The following TAOK3 variants were observed in gnomAD, a reference collection of about 807,000 sequenced individuals.
TAOK3 encodes the protein TAO kinase 3.
TAOK3 carries 40 observed loss-of-function variants against 120.4 expected under a neutral mutation model. The ratio of observed to expected loss-of-function variants is 0.33; its 90% CI spans 0.26 to 0.43. The LOEUF is 0.43. Ranked by LOEUF, TAOK3 falls within the 20% of genes least tolerant of loss-of-function variation. The probability of loss-of-function intolerance (pLI) is 1.00; values close to 1 mark genes in which losing one functional copy is unlikely to be tolerated. For synonymous variants in TAOK3, 355 were observed against 387.5 expected, an observed-to-expected ratio of 0.92 and a Z score of 0.99; for missense variants, 821 against 1,112.1, an observed-to-expected ratio of 0.74 and a Z score of 3.72.
intron 1 of TAOK3, among the ~76,000 whole-genome samples, chr12:118,332,611 A>T (rs1244529224): frequency 6.6e-6 from 1 of 152,232 alleles, no homozygotes; most frequent in African/African-American, 2.4e-5. Flanking sequence ...TTTCCTTAGG[A>T]TACACAGAAA....
intron 1 of TAOK3, among the ~76,000 whole-genome samples, chr12:118,337,811 A>G (rs142531376): frequency 9.1e-4 from 138 of 152,372 alleles, no homozygotes; most frequent in Middle Eastern, 3.4e-3. Flanking sequence ...TAGCCTCATG[A>G]TAACACTTCT....
chr12:118,344,385 T>C (rs2044761839), intron 1 of TAOK3, among the ~76,000 whole-genome samples: 1 of 151,880 alleles, frequency 6.6e-6, no homozygotes, highest in African/African-American at 2.4e-5. Context: ...TCTGTTAATA[T>C]ACAAAACAGA....
At chr12:118,290,949 G>A (rs1305446205) in intron 1 of TAOK3, among the ~76,000 whole-genome samples, 14 of 150,682 alleles carry the variant, frequency 9.3e-5, no homozygotes, top group Admixed American at 2.7e-4. Context: ...GTGCCGTGGC[G>A]TGATCTCGGC....
At chr12:118,290,244 A>G (rs1237021277) in intron 1 of TAOK3, among the ~76,000 whole-genome samples, 1 of 151,990 alleles carries the variant, frequency 6.6e-6, no homozygotes, top group African/African-American at 2.4e-5. Flanking sequence ...CTCCTTGTCT[A>G]CTCTTGGATC....
At chr12:118,200,238 T>G (rs530856015) in intron 12 of TAOK3, 171 of 152,344 alleles carry the variant, frequency 1.1e-3, no homozygotes, top group African/African-American at 4.1e-3. Flanking sequence ...TAAAATACTT[T>G]TATGTTTATT....
At chr12:118,201,605 T>C in intron 11 of TAOK3, 142 bp from the exon 12 acceptor site, 2 of 736,790 alleles carry the variant, frequency 2.7e-6, no homozygotes, top group Non-Finnish European at 4.0e-6. Context: ...TCATGTCATG[T>C]GTCCTTCCAT....
At chr12:118,354,105 T>A (rs868015757) in intron 1 of TAOK3, among the ~76,000 whole-genome samples, 1 of 152,246 alleles carries the variant, frequency 6.6e-6, no homozygotes, top group Non-Finnish European at 1.5e-5. Context: ...GTTGTCCTTA[T>A]GTGTGGGGAA....
chr12:118,175,452 T>C (rs2454758), intron 16 of TAOK3, among the ~76,000 whole-genome samples: 118,602 of 151,950 alleles, frequency 0.78, 47,140 homozygotes, highest in African/African-American at 0.93. Context: ...ATGGTGAAAC[T>C]CTGTTTCTAC....
chr12:118,275,676 C>T (rs535618971), intron 1 of TAOK3, among the ~76,000 whole-genome samples: 69 of 152,190 alleles, frequency 4.5e-4, no homozygotes, highest in Non-Finnish European at 7.9e-4. Context: ...TTATTAAGTA[C>T]CTAATATTCA....
chr12:118,342,506 C>T (rs2044657120), intron 1 of TAOK3, among the ~76,000 whole-genome samples: 1 of 152,106 alleles, frequency 6.6e-6, no homozygotes, highest in Non-Finnish European at 1.5e-5. Flanking sequence ...ATGCAGAAAT[C>T]AACATAGTTA....
At chr12:118,263,288 T>C (rs1170992898) in intron 2 of TAOK3, among the ~76,000 whole-genome samples, 1 of 152,166 alleles carries the variant, frequency 6.6e-6, no homozygotes, top group Non-Finnish European at 1.5e-5. Context: ...TGCATCCAAA[T>C]ATGCAAGAAA....
chr12:118,212,027 A>T (rs1404537767), intron 11 of TAOK3, among the ~76,000 whole-genome samples: 1 of 152,212 alleles, frequency 6.6e-6, no homozygotes, highest in East Asian at 1.9e-4. Flanking sequence ...TTCTCTTACC[A>T]TACTCCTGTG....
At chr12:118,187,238 A>C (rs1306286833) in intron 14 of TAOK3, among the ~76,000 whole-genome samples, 7 of 152,206 alleles carry the variant, frequency 4.6e-5, no homozygotes, top group Non-Finnish European at 1.0e-4. Flanking sequence ...TAAATGAATA[A>C]ATAAATATAG....
At chr12:118,301,537 A>C (rs1040656715) in intron 1 of TAOK3, among the ~76,000 whole-genome samples, 1 of 152,078 alleles carries the variant, frequency 6.6e-6, no homozygotes, top group Non-Finnish European at 1.5e-5. Flanking sequence ...TTAAAGCCTG[A>C]AGTAATGGTC....
chr12:118,266,690 C>T lies in TAOK3; in HGVS notation c.-124G>A, dbSNP rs1464114713. The T allele has an allele frequency of 2.5e-6, 1 of 397,822 alleles. No homozygotes were observed. The highest frequency in any genetic ancestry group is 2.1e-5 in the African/African-American group (1 of 48,562). 24.6% of individuals were successfully genotyped at this position (397,822 alleles called of 1,614,324 possible). A position where few individuals can be genotyped will look rare whatever the true frequency, so the allele number is the denominator to read the frequency against. ...GTGGCACAAAATATTCCATATTGCT[C>T]AGATTCATTTTAGCAGCAAACTTCT... On this transcript the variant is annotated 5_prime_UTR_variant, in exon 2 of 21. Transcript: ENST00000392533.
chr12:118,259,240 G>A lies in TAOK3; in HGVS notation c.-88-3585C>T, dbSNP rs183128529. Among the ~76,000 whole-genome samples, 555 of 152,222 alleles carry A rather than the reference G, an allele frequency of 3.6e-3. 2 individuals are homozygous for A. Among genetic ancestry groups the A allele is most frequent in the African/African-American group, 0.012 (506 of 41,544 alleles). On this transcript the variant is annotated intron_variant, in intron 2 of 20. Transcript: ENST00000392533. ...GGGGCTGGATTTATTATCTGCCACCGGGAACAATTAAAACACTGGACAAGG... is the reference window on the plus strand; with the variant it reads ...GGGGCTGGATTTATTATCTGCCACCAGGAACAATTAAAACACTGGACAAGG...
intron 15 of TAOK3, among the ~76,000 whole-genome samples, chr12:118,178,574 C>T (rs1186946892): frequency 6.6e-6 from 1 of 152,140 alleles, no homozygotes; most frequent in Non-Finnish European, 1.5e-5. Context: ...TCTCATGCCT[C>T]AGCCTCCCCA....
intron 2 of TAOK3, among the ~76,000 whole-genome samples, chr12:118,258,666 C>T (rs945171230): frequency 4.0e-5 from 6 of 150,802 alleles, no homozygotes; most frequent in South Asian, 2.1e-4. Context: ...GAGCCGAGAT[C>T]GTGCCACTGC....
chr12:118,227,782 G>A (rs1334237265), intron 9 of TAOK3, among the ~76,000 whole-genome samples: 1 of 152,150 alleles, frequency 6.6e-6, no homozygotes, highest in Non-Finnish European at 1.5e-5. Flanking sequence ...CACACATGGT[G>A]GTCCTGCCAG....
Sources: gnomAD v4.1 joint callset for allele counts (sites outside exome capture counted in the v4.1 genomes callset) on GRCh38, gnomAD v4.1.1 for gene constraint, MANE v1.5 for transcripts, NCBI Gene and HGNC (gene_info 2026-07-23, HGNC 2026-07-21) for gene names.